The following GPC6 variants were observed in gnomAD, a reference collection of about 807,000 sequenced individuals.
GPC6 encodes glypican-6.
In GPC6, 14 loss-of-function variants were observed where a neutral mutation model predicts 55.2. The observed-to-expected ratio is 0.25, with a 90% CI of 0.17 to 0.40. The LOEUF is 0.40. Among genes scored for constraint, GPC6 ranks in the 10% least tolerant of loss-of-function variants. The pLI, the probability that GPC6 is intolerant of heterozygous loss-of-function variation, is 1.00. For synonymous variants in GPC6, 278 were observed against 259.6 expected, an observed-to-expected ratio of 1.07 and a Z score of -0.68; for missense variants, 641 against 708.5, an observed-to-expected ratio of 0.90 and a Z score of 1.08.
At chr13:93,295,724 G>T (rs372755250) in intron 1 of GPC6, among the ~76,000 whole-genome samples, 1 of 151,824 alleles carries the variant, frequency 6.6e-6, no homozygotes, top group South Asian at 2.1e-4. Context: ...CTTGTGATCC[G>T]CCCACCTTGG....
chr13:93,795,382 G>T (rs1397390071), intron 2 of GPC6, among the ~76,000 whole-genome samples: 1 of 152,146 alleles, frequency 6.6e-6, no homozygotes, highest in Admixed American at 6.5e-5. Flanking sequence ...TTATCAATTT[G>T]TTCCCTCAAC....
Position 94,196,229 on chromosome 13 carries a change from CTCTTA to C in GPC6, c.878-90118_878-90114del, listed in dbSNP as rs1383978507. ...ATTAGGGTTTACAGCACAAGAATATCTCTTATAAGAGGGAGGATTTTTTTTAACTA... is the reference window on the plus strand; with the variant it reads ...ATTAGGGTTTACAGCACAAGAATATCTAAGAGGGAGGATTTTTTTTAACTA... On this transcript the variant is annotated intron_variant, in intron 4 of 8. Coordinates refer to ENST00000377047, the MANE Select transcript of GPC6 (RefSeq NM_005708.5). 8.1e-5 allele frequency among the ~76,000 whole-genome samples: 12 copies of C among 149,014 alleles called. No homozygotes were observed. The East Asian group carries it at 1.6e-3, about 20-fold the overall frequency.
intron 1 of GPC6, among the ~76,000 whole-genome samples, chr13:93,297,227 G>A (rs1235529903): frequency 6.6e-6 from 1 of 152,156 alleles, no homozygotes; most frequent in Non-Finnish European, 1.5e-5. Flanking sequence ...TAGGCCGGGA[G>A]TTCAAGACCA....
chr13:93,862,005 A>G (rs1489900347), intron 3 of GPC6, among the ~76,000 whole-genome samples: 3 of 151,618 alleles, frequency 2.0e-5, no homozygotes, highest in African/African-American at 7.3e-5. Context: ...AGTGCCTGGG[A>G]CATCACAAAC....
At chr13:94,398,726 T>C in intron 8 of GPC6, 85 bp downstream of exon 8, 2 of 1,042,952 alleles carry the variant, frequency 1.9e-6, no homozygotes, top group Non-Finnish European at 3.0e-6. Flanking sequence ...TCAAGAGCAA[T>C]ATGCCCTTTT....
intron 1 of GPC6, among the ~76,000 whole-genome samples, chr13:93,462,432 A>G (rs1177765090): frequency 1.3e-5 from 2 of 152,164 alleles, no homozygotes; most frequent in Admixed American, 6.5e-5. Context: ...CTGGGTATAG[A>G]TAAGACTTGA....
At chr13:94,199,594 T>G (rs1267202462) in intron 4 of GPC6, among the ~76,000 whole-genome samples, 1 of 152,240 alleles carries the variant, frequency 6.6e-6, no homozygotes, top group Non-Finnish European at 1.5e-5. Flanking sequence ...TGGGACACTC[T>G]GCTGTGTTTC....
At chr13:94,184,336 C>T (rs1889098655) in intron 4 of GPC6, among the ~76,000 whole-genome samples, 2 of 151,406 alleles carry the variant, frequency 1.3e-5, no homozygotes, top group South Asian at 4.2e-4. Context: ...AAAAAACCTA[C>T]TAGAGTAAAT....
intron 3 of GPC6, among the ~76,000 whole-genome samples, chr13:93,951,374 A>T (rs1566618921): frequency 6.6e-6 from 1 of 152,140 alleles, no homozygotes; most frequent in Non-Finnish European, 1.5e-5. Flanking sequence ...TCTGTGGCCT[A>T]ACTCAATTTT....
intron 1 of GPC6, among the ~76,000 whole-genome samples, chr13:93,280,881 A>T (rs1238075229): frequency 1.3e-5 from 2 of 152,184 alleles, no homozygotes; most frequent in Non-Finnish European, 2.9e-5. Context: ...TGCCCGGTTC[A>T]CAACAGGGTT....
chr13:94,291,197 C>T (rs1376653474), intron 5 of GPC6, among the ~76,000 whole-genome samples: 1 of 141,216 alleles, frequency 7.1e-6, no homozygotes, highest in Admixed American at 7.1e-5. Flanking sequence ...CATCTCAAAA[C>T]AAAAAAGAAA....
At position 93,321,460 on chromosome 13, in the gene GPC6, T is replaced by C. The variant is rs78021994; in HGVS notation, c.160+93844T>C. ...GGTTCTAATCTTATCTCGTGCTGTA[T>C]ATAGTGCAGATTTTAAGTTTAACTA... On this transcript the variant is annotated intron_variant, in intron 1 of 8. Coordinates refer to ENST00000377047, the MANE Select transcript of GPC6 (RefSeq NM_005708.5). 1.7e-4 allele frequency among the ~76,000 whole-genome samples: 26 copies of C among 152,296 alleles called. No homozygotes were observed. In the East Asian group the frequency reaches 4.8e-3, roughly 28 times the overall value.
At chr13:94,271,481 T>G (rs1242642014) in intron 4 of GPC6, among the ~76,000 whole-genome samples, 1 of 152,108 alleles carries the variant, frequency 6.6e-6, no homozygotes, top group Admixed American at 6.5e-5. Flanking sequence ...GCAAATTCAC[T>G]AATGTTATTT....
chr13:93,842,219 A>C (rs997828673), intron 3 of GPC6, among the ~76,000 whole-genome samples: 1 of 152,128 alleles, frequency 6.6e-6, no homozygotes, highest in African/African-American at 2.4e-5. Flanking sequence ...TGTTCTTTTC[A>C]TCTTAGAATT....
At chr13:93,588,398 G>A (rs1025120264) in intron 2 of GPC6, among the ~76,000 whole-genome samples, 25 of 120,812 alleles carry the variant, frequency 2.1e-4, no homozygotes, top group African/African-American at 7.8e-4. Context: ...GTGTGTGTGT[G>A]TGTATTTGAT....
At chr13:93,582,437 G>C (rs562442819) in intron 2 of GPC6, among the ~76,000 whole-genome samples, 1 of 152,184 alleles carries the variant, frequency 6.6e-6, no homozygotes, top group East Asian at 1.9e-4. Flanking sequence ...TCAAAATTTT[G>C]TTAAGCAAAT....
chr13:93,253,698 C>T (rs1234088853), intron 1 of GPC6, among the ~76,000 whole-genome samples: 1 of 152,106 alleles, frequency 6.6e-6, no homozygotes, highest in Non-Finnish European at 1.5e-5. Context: ...AATATGGAGG[C>T]TACATTCCTC....
At chr13:94,055,018 T>C (rs913872209) in intron 4 of GPC6, among the ~76,000 whole-genome samples, 3 of 152,190 alleles carry the variant, frequency 2.0e-5, no homozygotes, top group Admixed American at 2.0e-4. Context: ...GAAGTAATAA[T>C]TACCATGTGT....
At chr13:94,034,251 A>G (rs1883255812) in intron 4 of GPC6, among the ~76,000 whole-genome samples, 1 of 148,718 alleles carries the variant, frequency 6.7e-6, no homozygotes. Flanking sequence ...GAAGGAAGGA[A>G]AGAAAGAAAG....
Sources: allele counts gnomAD v4.1 joint callset (sites outside exome capture counted in the v4.1 genomes callset), GRCh38; gene constraint gnomAD v4.1.1; transcripts MANE v1.5; gene names NCBI Gene and HGNC (gene_info 2026-07-23, HGNC 2026-07-21).